The following UNC13C variants were observed in gnomAD, a reference collection of about 807,000 sequenced individuals.
The protein encoded by UNC13C is unc-13 homolog C.
Under a neutral mutation model 245.4 loss-of-function variants are expected in UNC13C, and 174 were observed. The observed-to-expected ratio is 0.71, with a 90% CI of 0.63 to 0.80. The LOEUF (loss-of-function observed/expected upper bound fraction) is 0.80. Among genes scored for constraint, UNC13C ranks in the 30% least tolerant of loss-of-function variants. The probability of loss-of-function intolerance (pLI) is 0.00; values close to 1 mark genes in which losing one functional copy is unlikely to be tolerated. For synonymous variants in UNC13C, 992 were observed against 895.1 expected, an observed-to-expected ratio of 1.11 and a Z score of -1.93; for missense variants, 2,829 against 2,602.9, an observed-to-expected ratio of 1.09 and a Z score of -1.89.
intron 1 of UNC13C, among the ~76,000 whole-genome samples, chr15:53,981,526 A>G (rs1192131739): frequency 2.0e-5 from 3 of 152,178 alleles, no homozygotes; most frequent in East Asian, 1.9e-4. Context: ...TTGCAAATTC[A>G]AAGTATCAAA....
intron 5 of UNC13C, 67 bp from the exon 6 acceptor site, chr15:54,236,363 C>G (rs1298032321): frequency 7.9e-7 from 1 of 1,269,028 alleles, no homozygotes; most frequent in African/African-American, 1.5e-5. Flanking sequence ...CATTGTTATA[C>G]TCTTTTCCTA....
intron 4 of UNC13C, among the ~76,000 whole-genome samples, chr15:54,200,648 A>C (rs1487116971): frequency 1.3e-5 from 2 of 152,094 alleles, no homozygotes; most frequent in Non-Finnish European, 2.9e-5. Context: ...ACAACCTATC[A>C]AAACCTCTGG....
chr15:54,524,934 G>C (rs1287697377), intron 24 of UNC13C, among the ~76,000 whole-genome samples: 1 of 152,078 alleles, frequency 6.6e-6, no homozygotes, highest in Non-Finnish European at 1.5e-5. Flanking sequence ...TGATACAATA[G>C]ACCTATTATC....
At chr15:54,083,449 A>T (rs1899064216) in intron 2 of UNC13C, among the ~76,000 whole-genome samples, 2 of 152,056 alleles carry the variant, frequency 1.3e-5, no homozygotes, top group South Asian at 4.1e-4. Context: ...CCCAACCTTC[A>T]TGCAAGTCCA....
intron 1 of UNC13C, among the ~76,000 whole-genome samples, chr15:53,996,887 T>C (rs571208385): frequency 1.4e-4 from 22 of 152,170 alleles, no homozygotes; most frequent in African/African-American, 5.1e-4. Context: ...AAAAATCTTA[T>C]ACACATTTGT....
At chr15:54,245,427 T>C (rs2035965900) in intron 7 of UNC13C, among the ~76,000 whole-genome samples, 1 of 152,144 alleles carries the variant, frequency 6.6e-6, no homozygotes, top group South Asian at 2.1e-4. Context: ...TATAAAGCAA[T>C]AGAAGTGAAA....
chr15:54,143,900 T>G (rs990256573), intron 4 of UNC13C, among the ~76,000 whole-genome samples: 1 of 129,288 alleles, frequency 7.7e-6, no homozygotes, highest in African/African-American at 2.4e-5. Context: ...TATATGATTA[T>G]ATATATAAGT....
intron 31 of UNC13C, among the ~76,000 whole-genome samples, chr15:54,622,900 C>T (rs1217839269): frequency 7.2e-5 from 11 of 152,012 alleles, no homozygotes; most frequent in Non-Finnish European, 1.5e-4. Context: ...GTTAACAATA[C>T]GCTCGTTCTA....
At chr15:54,353,193 C>T (rs2039022219) in intron 17 of UNC13C, among the ~76,000 whole-genome samples, 1 of 151,864 alleles carries the variant, frequency 6.6e-6, no homozygotes, top group Non-Finnish European at 1.5e-5. Context: ...GGGACTCTAG[C>T]CAGAGAGGTA....
chr15:54,581,898 G>A lies in UNC13C; in HGVS notation c.6106+13951G>A, dbSNP rs538170173. Among the ~76,000 whole-genome samples, 18 of 152,248 alleles carry A rather than the reference G, an allele frequency of 1.2e-4. 1 individual carries two copies. In the East Asian group the frequency reaches 2.7e-3, roughly 23 times the overall value. On this transcript the variant is annotated intron_variant, in intron 30 of 32. Coordinates refer to ENST00000260323, the MANE Select transcript of UNC13C (RefSeq NM_001080534.3). ...AGATGAAAGAAGTAGATTGTCATCAGAACTTGGAGAATTTTGAGGCTCAAG... is the reference window on the plus strand; with the variant it reads ...AGATGAAAGAAGTAGATTGTCATCAAAACTTGGAGAATTTTGAGGCTCAAG...
At chr15:54,193,439 T>A (rs113887010) in intron 4 of UNC13C, among the ~76,000 whole-genome samples, 6 of 152,288 alleles carry the variant, frequency 3.9e-5, no homozygotes, top group African/African-American at 1.4e-4. Flanking sequence ...TCCTTTTTAT[T>A]TTTTGCCCTA....
At chr15:54,533,414 C>T (rs912757670) in intron 26 of UNC13C, among the ~76,000 whole-genome samples, 11 of 152,142 alleles carry the variant, frequency 7.2e-5, no homozygotes, top group African/African-American at 1.4e-4. Flanking sequence ...AAAGACTGAG[C>T]TGAGTCCAGA....
intron 2 of UNC13C, among the ~76,000 whole-genome samples, chr15:54,125,213 T>C (rs1049511890): frequency 2.0e-5 from 3 of 152,160 alleles, no homozygotes; most frequent in African/African-American, 4.8e-5. Context: ...TCTGTAATTC[T>C]AGCACTTTGA....
chr15:54,420,518 T>C (rs2040618552), intron 19 of UNC13C, among the ~76,000 whole-genome samples: 1 of 151,844 alleles, frequency 6.6e-6, no homozygotes, highest in Admixed American at 6.6e-5. Flanking sequence ...GTATGCGAGG[T>C]GATGAACTCT....
intron 19 of UNC13C, among the ~76,000 whole-genome samples, chr15:54,435,763 AAAG>A (rs1179434989): frequency 4.0e-5 from 6 of 151,166 alleles, no homozygotes; most frequent in Non-Finnish European, 8.9e-5. Flanking sequence ...AAAAATAAAA[AAAG>A]AAACTATCAT....
chr15:54,331,062 C>T (rs909062104), intron 14 of UNC13C, among the ~76,000 whole-genome samples: 4 of 152,056 alleles, frequency 2.6e-5, no homozygotes, highest in Admixed American at 1.3e-4. Flanking sequence ...TCAGTGACTT[C>T]GAGGCATAAG....
chr15:54,496,827 G>A (rs1893970873), intron 20 of UNC13C, among the ~76,000 whole-genome samples: 1 of 150,596 alleles, frequency 6.6e-6, no homozygotes, highest in African/African-American at 2.4e-5. Context: ...GGAAAGGGAA[G>A]TTGGGGGGGA....
intron 2 of UNC13C, among the ~76,000 whole-genome samples, chr15:54,105,720 A>G (rs774554155): frequency 1.7e-4 from 26 of 152,360 alleles, no homozygotes; most frequent in Middle Eastern, 3.4e-3. Context: ...AATCTGAACT[A>G]TGTCCTAAGG....
the UNC13C span, among the ~76,000 whole-genome samples, chr15:53,872,894 C>T: frequency 6.6e-6 from 1 of 152,208 alleles, no homozygotes; most frequent in Admixed American, 6.5e-5. Context: ...CTTTCTTCAG[C>T]AAACTGAACT....
Sources: gnomAD v4.1 joint callset for allele counts (sites outside exome capture counted in the v4.1 genomes callset) on GRCh38, gnomAD v4.1.1 for gene constraint, MANE v1.5 for transcripts, NCBI Gene and HGNC (gene_info 2026-07-23, HGNC 2026-07-21) for gene names.